TMEM266: variants seen among roughly 807,000 people sequenced by gnomAD.
The protein encoded by TMEM266 is Hv1 related protein 1.
Under a neutral mutation model 50.5 loss-of-function variants are expected in TMEM266, and 33 were observed. The ratio of observed to expected loss-of-function variants is 0.65; its 90% CI spans 0.50 to 0.87. The LOEUF (loss-of-function observed/expected upper bound fraction) is 0.87. Among genes scored for constraint, TMEM266 ranks in the 40% least tolerant of loss-of-function variants. TMEM266 has a pLI of 0.00. For missense variants in TMEM266, 655 were observed against 695.1 expected (o/e 0.94, Z 0.65); for synonymous variants, 310 against 292.3 (o/e 1.06, Z -0.62).
At chr15:76,073,796 G>A (rs186664618) in intron 1 of TMEM266, among the ~76,000 whole-genome samples, 142 of 152,298 alleles carry the variant, frequency 9.3e-4, no homozygotes, top group Admixed American at 2.9e-3. Context: ...TTTTGCAAGA[G>A]CTTATTCATG....
chr15:76,114,160 A>T (rs2037213865), intron 1 of TMEM266: 1 of 152,222 alleles, frequency 6.6e-6, no homozygotes, highest in Non-Finnish European at 1.5e-5. Flanking sequence ...AGAAAAATAT[A>T]AATTGTAATC....
intron 3 of TMEM266, among the ~76,000 whole-genome samples, chr15:76,142,802 G>A (rs2037700136): frequency 1.3e-5 from 2 of 152,196 alleles, no homozygotes; most frequent in South Asian, 4.1e-4. Context: ...CGGCAGAGCT[G>A]TCTGCTGCTC....
intron 1 of TMEM266, among the ~76,000 whole-genome samples, chr15:76,114,801 C>T (rs2037223329): frequency 6.6e-6 from 1 of 152,132 alleles, no homozygotes; most frequent in Admixed American, 6.6e-5. Context: ...TTCATCACCC[C>T]ACAAGGAAAC....
intron 5 of TMEM266, 60 bp from the exon 6 acceptor site, chr15:76,169,756 G>A: frequency 1.9e-6 from 3 of 1,557,054 alleles, no homozygotes; most frequent in East Asian, 2.2e-5. Flanking sequence ...CTGAGCTCTG[G>A]AATCTTCTCG....
intron 1 of TMEM266, among the ~76,000 whole-genome samples, chr15:76,079,757 G>A (rs1398878494): frequency 7.0e-6 from 1 of 141,886 alleles, no homozygotes; most frequent in Admixed American, 7.2e-5. Flanking sequence ...CTAGGACAGA[G>A]CGAGACTCTG....
chr15:76,174,145 CAAG>C (rs941030734), intron 7 of TMEM266, among the ~76,000 whole-genome samples: 37 of 152,222 alleles, frequency 2.4e-4, no homozygotes, highest in African/African-American at 8.7e-4. Context: ...TCATCCTAGC[CAAG>C]AAGGAGGAAG....
chr15:76,124,016 A>G (rs2037382659), intron 1 of TMEM266, among the ~76,000 whole-genome samples: 1 of 152,156 alleles, frequency 6.6e-6, no homozygotes, highest in African/African-American at 2.4e-5. Context: ...TCCGGTCCCA[A>G]GGGATGAATC....
intron 1 of TMEM266, among the ~76,000 whole-genome samples, chr15:76,105,035 A>G (rs1454820371): frequency 5.3e-5 from 8 of 152,032 alleles, no homozygotes; most frequent in African/African-American, 1.7e-4. Flanking sequence ...TTAAAATAGA[A>G]TAGAGTTCAA....
chr15:76,135,380 G>A (rs1329640716), intron 2 of TMEM266, among the ~76,000 whole-genome samples: 3 of 152,188 alleles, frequency 2.0e-5, no homozygotes, highest in Admixed American at 2.0e-4. Context: ...AGATGGTGCC[G>A]GGCCGCTGGG....
chr15:76,201,795 G>A (rs2142092290), intron 9 of TMEM266, among the ~76,000 whole-genome samples: 1 of 152,314 alleles, frequency 6.6e-6, no homozygotes, highest in African/African-American at 2.4e-5. Flanking sequence ...CCTGCAAATG[G>A]GATTTCAGGG....
rs2038804383 is a variant in TMEM266, at chr15:76,204,418, C to T, written c.*103C>T. On this transcript the variant is annotated 3_prime_UTR_variant, in exon 11 of 11. Transcript: ENST00000388942. Reference sequence around the variant, plus strand: ...CCACACGCGGGGCCCAGGAGCCCACCTGGCCTCCCTCAGGGTGCTGCCTGC... The same window carrying T: ...CCACACGCGGGGCCCAGGAGCCCACTTGGCCTCCCTCAGGGTGCTGCCTGC... 1 of 1,167,558 alleles carries T rather than the reference C, an allele frequency of 8.6e-7. No individual in the cohort carries two copies. 72.3% of individuals were successfully genotyped at this position (1,167,558 alleles called of 1,614,324 possible).
At chr15:76,173,354 G>A (rs2038216527) in intron 7 of TMEM266, among the ~76,000 whole-genome samples, 1 of 152,166 alleles carries the variant, frequency 6.6e-6, no homozygotes. Context: ...GAAGAGTCAG[G>A]AAGGGCTGGG....
chr15:76,154,658 C>T (rs1362685729), intron 3 of TMEM266, among the ~76,000 whole-genome samples: 2 of 152,186 alleles, frequency 1.3e-5, no homozygotes, highest in East Asian at 3.9e-4. Context: ...TGTTGATGTC[C>T]TCCTACCTGT....
chr15:76,120,782 G>T (rs925254013), intron 1 of TMEM266, among the ~76,000 whole-genome samples: 297 of 127,352 alleles, frequency 2.3e-3, no homozygotes, highest in African/African-American at 8.7e-3. Flanking sequence ...AAAAAAAAAA[G>T]ATAAGGAAAG....
intron 1 of TMEM266, chr15:76,111,907 C>G (rs758519717): frequency 6.6e-6 from 1 of 152,142 alleles, no homozygotes; most frequent in African/African-American, 2.4e-5. Flanking sequence ...AATGGGTAAA[C>G]AAACTGTAAT....
chr15:76,196,632 CA>C (rs1217150663), intron 9 of TMEM266, among the ~76,000 whole-genome samples: 4 of 151,938 alleles, frequency 2.6e-5, no homozygotes, highest in Admixed American at 2.6e-4. Context: ...GCACAGGACA[CA>C]GACAATCCAG....
rs146340164 is a variant in TMEM266, at chr15:76,104,544, C to T, written c.-96-29624C>T. On this transcript the variant is annotated intron_variant, in intron 1 of 10. Coordinates refer to ENST00000388942, the MANE Select transcript of TMEM266 (RefSeq NM_152335.3). ...GAGCATTTAGAAGTTGGGGGCCCGG[C>T]GCGGTGGCTCACGCCTGTAATCCCA... Among the ~76,000 whole-genome samples the T allele has an allele frequency of 5.3e-3, 812 of 151,992 alleles. 2 individuals carry two copies. Among genetic ancestry groups the T allele is most frequent in the Non-Finnish European group, 8.1e-3 (551 of 67,932 alleles).
At chr15:76,102,831 C>T (rs113802113) in intron 1 of TMEM266, among the ~76,000 whole-genome samples, 6 of 144,378 alleles carry the variant, frequency 4.2e-5, no homozygotes, top group African/African-American at 1.6e-4. Flanking sequence ...AGAGTGAGAC[C>T]CTTATCTCCA....
chr15:76,145,874 T>C (rs2037747364), intron 3 of TMEM266, among the ~76,000 whole-genome samples: 1 of 152,234 alleles, frequency 6.6e-6, no homozygotes. Flanking sequence ...TGTTTGCACA[T>C]AACCAGAGCC....
Sources: allele counts gnomAD v4.1 joint callset (sites outside exome capture counted in the v4.1 genomes callset), GRCh38; gene constraint gnomAD v4.1.1; transcripts MANE v1.5; gene names NCBI Gene and HGNC (gene_info 2026-07-23, HGNC 2026-07-21).